ADAM7: variants seen among roughly 807,000 people sequenced by gnomAD.
The protein encoded by ADAM7 is ADAM metallopeptidase domain 7, also known as disintegrin and metalloproteinase domain-containing protein 7.
ADAM7 carries 97 observed loss-of-function variants against 102.9 expected under a neutral mutation model. That is an observed-to-expected ratio of 0.94 (90% CI 0.80 to 1.12). The LOEUF is 1.12. ADAM7 is among the 50% of genes most tolerant of loss of function. ADAM7 has a pLI of 0.00. For missense variants in ADAM7, 991 were observed against 908.7 expected, an observed-to-expected ratio of 1.09 and a Z score of -1.16; for synonymous variants, 334 against 304.4, an observed-to-expected ratio of 1.10 and a Z score of -1.01.
intron 20 of ADAM7, among the ~76,000 whole-genome samples, chr8:24,502,297 T>C (rs1820789575): frequency 6.6e-6 from 1 of 152,116 alleles, no homozygotes; most frequent in Non-Finnish European, 1.5e-5. Flanking sequence ...ATAGCGCTTA[T>C]CTGCTTCTGT....
intron 16 of ADAM7, among the ~76,000 whole-genome samples, chr8:24,495,042 T>C (rs924574175): frequency 4.6e-5 from 7 of 152,158 alleles, no homozygotes; most frequent in African/African-American, 1.7e-4. Context: ...CACAGCTCAG[T>C]GGTGATGAAT....
At chr8:24,446,867 A>T (rs1369268904) in intron 2 of ADAM7, among the ~76,000 whole-genome samples, 1 of 148,974 alleles carries the variant, frequency 6.7e-6, no homozygotes, top group Non-Finnish European at 1.5e-5. Context: ...AAACTATATT[A>T]TAACATGCTA....
Position 24,509,105 on chromosome 8 carries a change from C to A in ADAM7, c.*559C>A. 3 of 985,436 alleles carry A rather than the reference C, an allele frequency of 3.0e-6. No homozygotes were observed. The highest frequency in any genetic ancestry group is 3.6e-6 in the Non-Finnish European group (3 of 830,004). The allele number at this position is 985,436 out of a possible 1,614,324, so 61.0% of individuals were successfully genotyped here. On this transcript the variant is annotated 3_prime_UTR_variant, in exon 22 of 22. Transcript: ENST00000175238. ...TAGTGGACAGAACTGCAGGATAGTC[C>A]TTAAAATAATGGTGGTGGGAAAGGA...
At chr8:24,448,898 C>A (rs181722102) in intron 3 of ADAM7, among the ~76,000 whole-genome samples, 1 of 151,968 alleles carries the variant, frequency 6.6e-6, no homozygotes, top group East Asian at 1.9e-4. Context: ...TGAGAATATG[C>A]GGTGTTTGCA....
chr8:24,476,608 G>C, intron 8 of ADAM7, 104 bp downstream of exon 8: 1 of 774,030 alleles, frequency 1.3e-6, no homozygotes, highest in Non-Finnish European at 2.0e-6. Context: ...TATTAAGGGA[G>C]TACAAAGCAC....
intron 2 of ADAM7, among the ~76,000 whole-genome samples, chr8:24,446,750 C>T (rs1202585259): frequency 6.6e-6 from 1 of 151,550 alleles, no homozygotes; most frequent in Non-Finnish European, 1.5e-5. Flanking sequence ...AGAGCTGCTA[C>T]ATGGACATAT....
chr8:24,443,478 T>G (rs1436749421), intron 2 of ADAM7, among the ~76,000 whole-genome samples: 1 of 152,216 alleles, frequency 6.6e-6, no homozygotes, highest in Non-Finnish European at 1.5e-5. Context: ...TGTTCAACGA[T>G]TCTCTTTAAT....
intron 3 of ADAM7, among the ~76,000 whole-genome samples, chr8:24,455,669 G>T (rs1819005330): frequency 6.6e-6 from 1 of 152,204 alleles, no homozygotes; most frequent in Non-Finnish European, 1.5e-5. Context: ...GCCTCCCAAA[G>T]TGCTAGGATT....
chr8:24,481,501 A>T (rs1406115572), intron 8 of ADAM7, among the ~76,000 whole-genome samples: 1 of 152,174 alleles, frequency 6.6e-6, no homozygotes, highest in Non-Finnish European at 1.5e-5. Flanking sequence ...CAAAATTCCC[A>T]TAATAACTGC....
intron 20 of ADAM7, among the ~76,000 whole-genome samples, chr8:24,503,535 C>T (rs1820834266): frequency 6.6e-6 from 1 of 152,064 alleles, no homozygotes; most frequent in South Asian, 2.1e-4. Flanking sequence ...GGTATATACC[C>T]AAAGGATTGT....
chr8:24,453,567 A>G (rs1302802025), intron 3 of ADAM7, among the ~76,000 whole-genome samples: 1 of 152,042 alleles, frequency 6.6e-6, no homozygotes, highest in African/African-American at 2.4e-5. Context: ...TTTTTTTCAA[A>G]GTTTTTAACT....
chr8:24,449,071 G>A (rs1818677095), intron 3 of ADAM7, among the ~76,000 whole-genome samples: 1 of 152,126 alleles, frequency 6.6e-6, no homozygotes, highest in Admixed American at 6.5e-5. Context: ...ATGTGGGTTG[G>A]TTCCAAGTCT....
intron 6 of ADAM7, 27 bp downstream of exon 6, chr8:24,467,015 C>A (rs1468364628): frequency 6.4e-7 from 1 of 1,568,868 alleles, no homozygotes; most frequent in Non-Finnish European, 8.7e-7. Context: ...TATCTTTACC[C>A]CAAATGAAAC....
intron 3 of ADAM7, among the ~76,000 whole-genome samples, chr8:24,454,981 T>C (rs1818974192): frequency 6.6e-6 from 1 of 152,212 alleles, no homozygotes; most frequent in Admixed American, 6.5e-5. Context: ...GATGAAGAGT[T>C]TTATTTGTAT....
intron 1 of ADAM7, among the ~76,000 whole-genome samples, chr8:24,441,486 G>T (rs1818371351): frequency 6.6e-6 from 1 of 152,214 alleles, no homozygotes; most frequent in African/African-American, 2.4e-5. Context: ...TACAGATAAG[G>T]AAAATGAGAC....
chr8:24,507,310 A>G (rs182133785), intron 20 of ADAM7, among the ~76,000 whole-genome samples, 170 bp from the exon 21 acceptor site: 7 of 151,834 alleles, frequency 4.6e-5, no homozygotes, highest in African/African-American at 1.7e-4. Context: ...GGAATTTACA[A>G]ACTGTCTTAA....
rs1441515600 is a variant in ADAM7, at chr8:24,500,853, T to C, written c.2066T>C (p.Leu689Ser). 1.2e-6 allele frequency: 2 copies of C among 1,613,364 alleles called. No individual in the cohort carries two copies. Among genetic ancestry groups the C allele is most frequent in the Non-Finnish European group, 1.7e-6 (2 of 1,179,508 alleles). Residue 689 changes from leucine to serine, a missense_variant, in exon 19 of 22, where the codon TTA becomes TCA. Physicochemically the swap from Leu to Ser is moderately radical, Grantham distance 145 (BLOSUM62 -2). Coordinates refer to ENST00000175238, the MANE Select transcript of ADAM7 (RefSeq NM_003817.4). ...GTCGGTATCGGAGTTCTTATACTAT[T>C]AGTTCGTTACCGAAAATGTATCAAG... ...VIVGIGVLILLVRYRKCIKLK... is the reference protein window; with the variant it reads ...VIVGIGVLILSVRYRKCIKLK...
At chr8:24,490,507 C>A in intron 12 of ADAM7, 1 of 282,382 alleles carries the variant, frequency 3.5e-6, no homozygotes, top group Non-Finnish European at 6.7e-6. Context: ...CAGTATGACC[C>A]TTCAAGGAAA....
chr8:24,450,558 A>G (rs1334353679), intron 3 of ADAM7, among the ~76,000 whole-genome samples: 2 of 152,058 alleles, frequency 1.3e-5, no homozygotes, highest in African/African-American at 4.8e-5. Context: ...GGGCTGAGAC[A>G]ATGGGGTTTT....
Sources: gnomAD v4.1 joint callset for allele counts (sites outside exome capture counted in the v4.1 genomes callset) on GRCh38, gnomAD v4.1.1 for gene constraint, MANE v1.5 for transcripts, NCBI Gene and HGNC (gene_info 2026-07-23, HGNC 2026-07-21) for gene names.